The following LRFN5 variants were observed in gnomAD, a reference collection of about 807,000 sequenced individuals.
LRFN5 encodes leucine rich repeat and fibronectin type III domain containing 5.
A neutral mutation model predicts 45.6 loss-of-function variants in LRFN5; 24 were observed. The ratio of observed to expected loss-of-function variants is 0.53; its 90% CI spans 0.38 to 0.74. The LOEUF (loss-of-function observed/expected upper bound fraction) is 0.74. Among genes scored for constraint, LRFN5 ranks in the 30% least tolerant of loss-of-function variants. LRFN5 has a pLI of 0.00. For missense variants in LRFN5, 776 were observed against 861.5 expected (o/e 0.90, Z 1.24); for synonymous variants, 340 against 313.8 (o/e 1.08, Z -0.88).
At chr14:41,615,292 C>G (rs1887892649) in intron 1 of LRFN5, among the ~76,000 whole-genome samples, 1 of 152,084 alleles carries the variant, frequency 6.6e-6, no homozygotes, top group South Asian at 2.1e-4. Context: ...AGCCAAAACT[C>G]TGGCATCTTG....
At chr14:41,801,955 G>A (rs1199712992) in intron 2 of LRFN5, among the ~76,000 whole-genome samples, 1 of 152,078 alleles carries the variant, frequency 6.6e-6, no homozygotes, top group East Asian at 1.9e-4. Context: ...AGCAGAAAGG[G>A]GAATGGACTC....
intron 1 of LRFN5, among the ~76,000 whole-genome samples, chr14:41,687,318 A>G (rs1376073029): frequency 6.6e-6 from 1 of 152,236 alleles, no homozygotes; most frequent in Non-Finnish European, 1.5e-5. Flanking sequence ...AACGGCAATT[A>G]TTAAAAAATT....
chr14:41,750,065 TGATGA>T (rs1885067526), intron 1 of LRFN5, among the ~76,000 whole-genome samples: 1 of 152,038 alleles, frequency 6.6e-6, no homozygotes, highest in Non-Finnish European at 1.5e-5. Flanking sequence ...CATTTTGATA[TGATGA>T]GATAAGTTTA....
At chr14:41,610,652 C>A (rs1363668387) in intron 1 of LRFN5, among the ~76,000 whole-genome samples, 1 of 20,148 alleles carries the variant, frequency 5.0e-5, no homozygotes. Context: ...TCTGAGGTCC[C>A]AGGGAAGGTA....
At chr14:41,676,218 A>T (rs1594607159) in intron 1 of LRFN5, among the ~76,000 whole-genome samples, 1 of 152,244 alleles carries the variant, frequency 6.6e-6, no homozygotes, top group Non-Finnish European at 1.5e-5. Flanking sequence ...CTTCTACAGC[A>T]GAAGTTCCAC....
At chr14:41,721,820 T>C (rs4586337) in intron 1 of LRFN5, among the ~76,000 whole-genome samples, 25,503 of 152,122 alleles carry the variant, frequency 0.17, 2,318 homozygotes, top group Non-Finnish European at 0.22. Context: ...GGGTTAGCCA[T>C]GGACAGTCTG....
At chr14:41,635,030 G>A (rs1181800209) in intron 1 of LRFN5, among the ~76,000 whole-genome samples, 1 of 151,592 alleles carries the variant, frequency 6.6e-6, no homozygotes, top group Admixed American at 6.6e-5. Flanking sequence ...TTACAATCGG[G>A]GAATTATTAT....
intron 1 of LRFN5, among the ~76,000 whole-genome samples, chr14:41,697,133 A>G (rs1186013425): frequency 6.6e-6 from 1 of 151,956 alleles, no homozygotes; most frequent in African/African-American, 2.4e-5. Flanking sequence ...TTTCTAATAT[A>G]ATTTTTATAG....
chr14:41,642,083 G>T (rs989246206), intron 1 of LRFN5, among the ~76,000 whole-genome samples: 7 of 152,098 alleles, frequency 4.6e-5, no homozygotes, highest in Non-Finnish European at 1.0e-4. Context: ...AAAAACACAT[G>T]TAAGACCTTG....
At chr14:41,769,853 A>G (rs778432256) in intron 2 of LRFN5, among the ~76,000 whole-genome samples, 1 of 152,164 alleles carries the variant, frequency 6.6e-6, no homozygotes, top group African/African-American at 2.4e-5. Context: ...TACCATTTCT[A>G]TGAGTCCAGT....
At chr14:41,782,072 TAA>T (rs963068396) in intron 2 of LRFN5, among the ~76,000 whole-genome samples, 2 of 151,812 alleles carry the variant, frequency 1.3e-5, no homozygotes, top group Non-Finnish European at 2.9e-5. Flanking sequence ...GTCTTTAATT[TAA>T]AAAAAATTAT....
intron 2 of LRFN5, among the ~76,000 whole-genome samples, chr14:41,862,403 G>A (rs916236835): frequency 2.6e-5 from 4 of 152,090 alleles, no homozygotes; most frequent in African/African-American, 9.7e-5. Flanking sequence ...GTATATTAAA[G>A]GGGGGTTAAT....
intron 3 of LRFN5, among the ~76,000 whole-genome samples, chr14:41,889,826 A>G (rs944080178): frequency 6.6e-6 from 1 of 152,154 alleles, no homozygotes; most frequent in Non-Finnish European, 1.5e-5. Context: ...TCAACAAGGA[A>G]CTTTTAGAAT....
chr14:41,897,458 A>G (rs1478103370), intron 4 of LRFN5, among the ~76,000 whole-genome samples: 3 of 152,102 alleles, frequency 2.0e-5, no homozygotes, highest in African/African-American at 7.2e-5. Context: ...ATACATTTGT[A>G]TAAATATATA....
chr14:41,666,126 G>T (rs545184249), intron 1 of LRFN5, among the ~76,000 whole-genome samples: 1 of 152,018 alleles, frequency 6.6e-6, no homozygotes, highest in African/African-American at 2.4e-5. Flanking sequence ...AGCAACAGAA[G>T]TCACATATTT....
chr14:41,888,118 C>A, intron 3 of LRFN5, 108 bp downstream of exon 3: 1 of 848,688 alleles, frequency 1.2e-6, no homozygotes, highest in Non-Finnish European at 1.8e-6. Flanking sequence ...TGTTGTAATT[C>A]CATATTTTAA....
chr14:41,681,260 A>G (rs1881869599), intron 1 of LRFN5, among the ~76,000 whole-genome samples: 1 of 152,192 alleles, frequency 6.6e-6, no homozygotes. Context: ...ATTTAAGAAC[A>G]AGCAGGTTAT....
intron 2 of LRFN5, among the ~76,000 whole-genome samples, chr14:41,800,541 CATTAT>C (rs1311514340): frequency 6.6e-6 from 1 of 151,398 alleles, no homozygotes; most frequent in African/African-American, 2.4e-5. Context: ...GTAACAAGTA[CATTAT>C]TAGACAGTAG....
rs112048047 is a variant in LRFN5, at chr14:41,904,365, C to T, written c.*190C>T. On this transcript the variant is annotated 3_prime_UTR_variant, in exon 6 of 6. Coordinates refer to ENST00000298119, the MANE Select transcript of LRFN5 (RefSeq NM_152447.5). ...GCTCCATTAGACCATGGTTCATCCTCTTTTAAAACCAAATTTTTTTTTCTT... is the reference window on the plus strand; with the variant it reads ...GCTCCATTAGACCATGGTTCATCCTTTTTTAAAACCAAATTTTTTTTTCTT... 2 of 541,218 alleles carry T rather than the reference C, an allele frequency of 3.7e-6. No homozygotes were observed. Among genetic ancestry groups the T allele is most frequent in the Non-Finnish European group, 6.1e-6 (2 of 325,242 alleles). 33.5% of individuals were successfully genotyped at this position (541,218 alleles called of 1,614,324 possible).
Sources: gnomAD v4.1 joint callset for allele counts (sites outside exome capture counted in the v4.1 genomes callset) on GRCh38, gnomAD v4.1.1 for gene constraint, MANE v1.5 for transcripts, NCBI Gene and HGNC (gene_info 2026-07-23, HGNC 2026-07-21) for gene names.